PCDHGA4: variants seen among roughly 807,000 people sequenced by gnomAD.
PCDHGA4 encodes protocadherin gamma-A4.
PCDHGA4 carries 38 observed loss-of-function variants against 54.6 expected under a neutral mutation model. That is an observed-to-expected ratio of 0.70 (90% CI 0.54 to 0.91). The LOEUF (loss-of-function observed/expected upper bound fraction) is 0.91, where lower values mean the gene tolerates loss of function less well. Ranked by LOEUF, PCDHGA4 falls within the 40% of genes least tolerant of loss-of-function variation. The probability of loss-of-function intolerance (pLI) is 0.00; values close to 1 mark genes in which losing one functional copy is unlikely to be tolerated. For synonymous variants in PCDHGA4, 511 were observed against 512.9 expected (o/e 1.00, Z 0.05); for missense variants, 1,298 against 1,220.9 (o/e 1.06, Z -0.94).
chr5:141,477,037 G>A lies in PCDHGA4; in HGVS notation c.2515-17770G>A. ...TTGTAACCGGGATGCTGACAATCAAGGGTCGGCTGGACTTCGAGGACACCA... is the reference window on the plus strand; with the variant it reads ...TTGTAACCGGGATGCTGACAATCAAAGGTCGGCTGGACTTCGAGGACACCA... On this transcript the variant is annotated intron_variant, in intron 1 of 3. Coordinates refer to ENST00000571252, the MANE Select transcript of PCDHGA4 (RefSeq NM_018917.4). This position sits in a 1 kb window ranked among gnomAD's most constrained non-coding sequence, Gnocchi z 4.9. 6.2e-7 allele frequency: 1 copy of A among 1,614,266 alleles called. No individual in the cohort carries two copies. The highest frequency in any genetic ancestry group is 8.5e-7 in the Non-Finnish European group (1 of 1,180,052).
intron 1 of PCDHGA4, chr5:141,410,849 CTT>C (rs759346998): frequency 0.032 from 4,298 of 136,266 alleles, no homozygotes; most frequent in South Asian, 0.069. Flanking sequence ...TTGTCTTTGT[CTT>C]TTTTTTTTTT....
In PCDHGA4 at chr5:141,432,847, G is replaced by C. The variant is rs768265171; in HGVS notation, c.2515-61960G>C. ...ACCTCACTCTGTACCTGGTGGTAGC[G>C]GTGGCCGCGGTCTCCTGCGTCTTCC... On this transcript the variant is annotated intron_variant, in intron 1 of 3. Transcript: ENST00000571252. The surrounding 1 kb of genome is among the most constrained non-coding windows in gnomAD (Gnocchi z 6.0). The C allele has an allele frequency of 1.2e-6, 2 of 1,614,180 alleles. No homozygotes were observed. Among genetic ancestry groups the C allele is most frequent in the Admixed American group, 1.7e-5 (1 of 60,032 alleles).
In PCDHGA4 at chr5:141,355,298, A is replaced by T; in HGVS notation, c.191A>T (p.Tyr64Phe). The T allele has an allele frequency of 6.2e-7, 1 of 1,613,812 alleles. No individual in the cohort carries two copies. Among genetic ancestry groups the T allele is most frequent in the Non-Finnish European group, 8.5e-7 (1 of 1,179,888 alleles). Residue 64 changes from tyrosine (Y) to phenylalanine (F), a missense_variant, in exon 1 of 4, where the codon TAC (tyrosine) becomes TTC (phenylalanine). By Grantham distance (22) the Tyr-to-Phe change is conservative (BLOSUM62 3). Transcript: ENST00000571252. ...LVEIRAEQIL[Y>F]SVFEEQEEGS... ...GAAATCAGGGCCGAACAGATTCTCT[A>T]CTCGGTGTTTGAGGAGCAGGAAGAA... is the stretch of plus-strand genomic sequence containing the variant.
chr5:141,359,835 C>T (rs985567227), intron 1 of PCDHGA4, among the ~76,000 whole-genome samples: 1 of 151,996 alleles, frequency 6.6e-6, no homozygotes, highest in Non-Finnish European at 1.5e-5. Flanking sequence ...TATTTTAAAA[C>T]AAATGAAGAC....
In PCDHGA4 at chr5:141,414,653, A is replaced by G. The variant is rs2095771118; in HGVS notation, c.2514+57032A>G. ...AGCAAAGAGAATGCCCAGATTATTT[A>G]CTCCCTGGCTGAAGACACCATCCAG... On this transcript the variant is annotated intron_variant, in intron 1 of 3. Coordinates refer to ENST00000571252, the MANE Select transcript of PCDHGA4 (RefSeq NM_018917.4). 6.2e-7 allele frequency: 1 copy of G among 1,613,644 alleles called. No homozygotes were observed.
Position 141,490,351 on chromosome 5 carries a change from T to C in PCDHGA4, c.2515-4456T>C. Reference sequence around the variant, plus strand: ...CACACCAGTGGGCACAGTAGTGGGGTTGTTTAATGTGCGAGACCGGGACTC... The same window carrying C: ...CACACCAGTGGGCACAGTAGTGGGGCTGTTTAATGTGCGAGACCGGGACTC... On this transcript the variant is annotated intron_variant, in intron 1 of 3. Transcript: ENST00000571252. The surrounding 1 kb of genome is among the most constrained non-coding windows in gnomAD (Gnocchi z 5.4). 6.2e-7 allele frequency: 1 copy of C among 1,614,028 alleles called. No individual in the cohort carries two copies. The highest frequency in any genetic ancestry group is 1.3e-5 in the African/African-American group (1 of 74,976).
intron 1 of PCDHGA4, chr5:141,415,955 G>A: frequency 8.5e-6 from 4 of 472,662 alleles, no homozygotes; most frequent in Non-Finnish European, 1.3e-5. Context: ...GTCACATATT[G>A]AAACTCCAGC....
intron 1 of PCDHGA4, among the ~76,000 whole-genome samples, chr5:141,445,787 T>C (rs2098477657): frequency 1.3e-5 from 2 of 152,182 alleles, no homozygotes; most frequent in South Asian, 4.1e-4. Context: ...CTAGGGAGGC[T>C]AGAAACAGAA....
In PCDHGA4 at chr5:141,432,142, C is replaced by T; in HGVS notation, c.2515-62665C>T. 1 of 1,614,098 alleles carries T rather than the reference C, an allele frequency of 6.2e-7. No individual in the cohort carries two copies. Among genetic ancestry groups the T allele is most frequent in the Non-Finnish European group, 8.5e-7 (1 of 1,180,016 alleles). On this transcript the variant is annotated intron_variant, in intron 1 of 3. Transcript: ENST00000571252. This position sits in a 1 kb window ranked among gnomAD's most constrained non-coding sequence, Gnocchi z 6.0. Reference sequence around the variant, plus strand: ...CTCAGGCCTCCTATTCCGCTTATATCCCAGAGAACAATCCCAGAGGAGTTT... The same window carrying T: ...CTCAGGCCTCCTATTCCGCTTATATTCCAGAGAACAATCCCAGAGGAGTTT...
chr5:141,426,676 A>T (rs1209949988), intron 1 of PCDHGA4: 4 of 431,700 alleles, frequency 9.3e-6, no homozygotes, highest in Non-Finnish European at 1.9e-5. Context: ...AACCCACCTC[A>T]TTTTCCCCAA....
In PCDHGA4 at chr5:141,393,139, T is replaced by A. The variant is rs753058672; in HGVS notation, c.2514+35518T>A. 1.2e-6 allele frequency: 2 copies of A among 1,613,322 alleles called. No individual in the cohort carries two copies. The highest frequency in any genetic ancestry group is 3.3e-5 in the Admixed American group (2 of 60,032). ...CGGTGTCTGATAAATATTAACACCC[T>A]GGTTGAGGATAAAGGAAAACTCTTT... On this transcript the variant is annotated intron_variant, in intron 1 of 3. Coordinates refer to ENST00000571252, the MANE Select transcript of PCDHGA4 (RefSeq NM_018917.4).
rs775400390 is a variant in PCDHGA4, at chr5:141,355,987, A to G, written c.880A>G (p.Thr294Ala). ...ENVPVGTRLLTVKATDPDEGA... is the reference protein window; with the variant it reads ...ENVPVGTRLLAVKATDPDEGA... The stretch of plus-strand genomic sequence containing the variant: ...CGTTCCTGTAGGCACTCGGCTACTC[A>G]CCGTAAAAGCCACTGATCCAGATGA... The change falls in exon 1 of 4, where the codon ACC becomes GCC. Residue 294 changes from threonine (T) to alanine (A), a missense_variant. Thr to Ala is a moderately conservative substitution (Grantham distance 58, BLOSUM62 0). Transcript: ENST00000571252. The G allele has an allele frequency of 1.2e-6, 2 of 1,613,824 alleles. No individual in the cohort carries two copies. The highest frequency in any genetic ancestry group is 1.7e-6 in the Non-Finnish European group (2 of 1,179,852).
chr5:141,430,048 A>G (rs2097258677), intron 1 of PCDHGA4, among the ~76,000 whole-genome samples: 1 of 152,222 alleles, frequency 6.6e-6, no homozygotes, highest in African/African-American at 2.4e-5. Flanking sequence ...AATGTATACA[A>G]TCACATATCA....
chr5:141,483,869 G>A (rs2099587910), intron 1 of PCDHGA4, among the ~76,000 whole-genome samples: 1 of 152,126 alleles, frequency 6.6e-6, no homozygotes, highest in South Asian at 2.1e-4. Flanking sequence ...GTCCAGATCA[G>A]GATGGATTTT....
Position 141,511,590 on chromosome 5 carries a change from A to C in PCDHGA4, c.*417A>C, listed in dbSNP as rs2099883868. On this transcript the variant is annotated 3_prime_UTR_variant, in exon 4 of 4. Transcript: ENST00000571252. ...AGTAAGGTGGTTGGGGTGTTGAAGT[A>C]CCAAGTAACCTACAAGCCTCCTAGT... The C allele has an allele frequency of 3.7e-6, 1 of 267,790 alleles. No homozygotes were observed. Among genetic ancestry groups the C allele is most frequent in the Admixed American group, 4.8e-5 (1 of 20,946 alleles). The allele number at this position is 267,790 out of a possible 1,614,324, so 16.6% of individuals were successfully genotyped here.
At chr5:141,463,526 A>G (rs989086820) in intron 1 of PCDHGA4, among the ~76,000 whole-genome samples, 1 of 131,914 alleles carries the variant, frequency 7.6e-6, no homozygotes, top group Non-Finnish European at 1.5e-5. Flanking sequence ...TCGGCTTACT[A>G]GAAACTCCGG....
intron 1 of PCDHGA4, chr5:141,413,362 C>G: frequency 1.2e-6 from 2 of 1,613,988 alleles, no homozygotes; most frequent in South Asian, 1.1e-5. Context: ...GCCCCGGGAG[C>G]TGGCGGAGCG....
chr5:141,388,225 T>C, intron 1 of PCDHGA4: 1 of 1,604,858 alleles, frequency 6.2e-7, no homozygotes, highest in Non-Finnish European at 8.5e-7. Flanking sequence ...GAAAATCCAC[T>C]GAACTTTTAT....
intron 1 of PCDHGA4, chr5:141,384,939 C>T (rs1780682611): frequency 6.2e-7 from 1 of 1,614,018 alleles, no homozygotes; most frequent in Non-Finnish European, 8.5e-7. Context: ...GCCTTGAGCC[C>T]TCCGACGGTC....
Sources: allele counts gnomAD v4.1 joint callset (sites outside exome capture counted in the v4.1 genomes callset), GRCh38; gene constraint gnomAD v4.1.1; non-coding constraint Gnocchi (gnomAD v3.1); transcripts MANE v1.5; gene names NCBI Gene and HGNC (gene_info 2026-07-23, HGNC 2026-07-21).